CDC14B: variants seen among roughly 807,000 people sequenced by gnomAD.
CDC14B encodes the protein cell division cycle 14B.
Under a neutral mutation model 64.2 loss-of-function variants are expected in CDC14B, and 22 were observed. That is an observed-to-expected ratio of 0.34 (90% CI 0.24 to 0.49). The LOEUF is 0.49. CDC14B is among the 20% of genes least tolerant of loss of function. The pLI is 0.99. For missense variants in CDC14B, 498 were observed against 629.9 expected (o/e 0.79, Z 2.24); for synonymous variants, 191 against 215.8 (o/e 0.89, Z 1.01).
At chr9:96,558,471 CAT>C (rs1318855353) in intron 4 of CDC14B, among the ~76,000 whole-genome samples, 2 of 152,128 alleles carry the variant, frequency 1.3e-5, no homozygotes, top group African/African-American at 4.8e-5. Flanking sequence ...AAACATAAAA[CAT>C]ATACGTACAC....
intron 1 of CDC14B, among the ~76,000 whole-genome samples, chr9:96,583,334 A>G (rs1306945841): frequency 6.6e-6 from 1 of 151,242 alleles, no homozygotes; most frequent in South Asian, 2.1e-4. Context: ...CTGGATGCGT[A>G]AACCGGCGCC....
chr9:96,539,084 G>T lies in CDC14B; in HGVS notation c.621C>A (p.His207Gln). Residue 207 changes from histidine to glutamine, a missense_variant, in exon 7 of 14, where the codon CAC (histidine) becomes CAA (glutamine). Physicochemically the swap from His to Gln is conservative, Grantham distance 24 (BLOSUM62 0). Coordinates refer to ENST00000375241, the MANE Select transcript of CDC14B (RefSeq NM_033331.4). Reference protein sequence around the residue: ...FNSFNLDEYEHYEKAENGDLN... With the variant: ...FNSFNLDEYEQYEKAENGDLN... ...ATGATCCTTGAAGACTTACTTCATA[G>T]TGTTCATATTCATCAAGGTTAAATG... 6.2e-7 allele frequency: 1 copy of T among 1,601,312 alleles called. No individual in the cohort carries two copies. The highest frequency in any genetic ancestry group is 8.6e-7 in the Non-Finnish European group (1 of 1,168,584).
intron 5 of CDC14B, among the ~76,000 whole-genome samples, chr9:96,544,519 C>T (rs1031365461): frequency 3.9e-5 from 6 of 152,042 alleles, no homozygotes; most frequent in Non-Finnish European, 8.8e-5. Flanking sequence ...TTTTGAGACA[C>T]GGTCTCACTA....
At chr9:96,618,357 A>G in intron 1 of CDC14B, 1 of 388,690 alleles carries the variant, frequency 2.6e-6, no homozygotes, top group Non-Finnish European at 5.2e-6. Context: ...GTTGCCACAT[A>G]CATCATCACA....
In CDC14B at chr9:96,503,800, A is replaced by G. The variant is rs889127557; in HGVS notation, c.1461-11T>C. 1.3e-6 allele frequency: 2 copies of G among 1,598,252 alleles called. No individual in the cohort carries two copies. Among genetic ancestry groups the G allele is most frequent in the East Asian group, 4.5e-5 (2 of 44,632 alleles). ...CTTGAAATGGAGAGACTACAGGGGG[A>G]AAAAAAAGGATTTTTACCAGAAAGT... is the stretch of plus-strand genomic sequence containing the variant. On this transcript the variant is annotated splice_polypyrimidine_tract_variant and intron_variant, in intron 13 of 13. Transcript: ENST00000375241.
intron 5 of CDC14B, among the ~76,000 whole-genome samples, chr9:96,545,329 C>CTTTTTTT (rs59040963): frequency 7.5e-6 from 1 of 132,992 alleles, no homozygotes; most frequent in African/African-American, 2.8e-5. Context: ...TGATTATTTT[C>CTTTTTTT]TTTTTTTTTT....
chr9:96,547,381 G>A (rs1270693454), intron 5 of CDC14B, among the ~76,000 whole-genome samples: 10 of 151,596 alleles, frequency 6.6e-5, no homozygotes, highest in South Asian at 4.2e-4. Context: ...CAGGAGAATC[G>A]CTTGAACCCA....
chr9:96,510,599 T>C (rs1223383190), intron 12 of CDC14B, among the ~76,000 whole-genome samples: 1 of 151,782 alleles, frequency 6.6e-6, no homozygotes, highest in African/African-American at 2.4e-5. Context: ...AAAGATTTTA[T>C]ATGCAATTCT....
downstream of CDC14B, among the ~76,000 whole-genome samples, chr9:96,498,684 C>A (rs563249244): frequency 6.6e-6 from 1 of 152,176 alleles, no homozygotes; most frequent in African/African-American, 2.4e-5. Context: ...AGAAAATGAC[C>A]TAAAATATAT....
intron 4 of CDC14B, among the ~76,000 whole-genome samples, chr9:96,561,509 C>T (rs1240287799): frequency 2.0e-5 from 3 of 152,136 alleles, no homozygotes; most frequent in South Asian, 4.1e-4. Flanking sequence ...GACGGAGTCT[C>T]GCTCTGTCGC....
chr9:96,595,223 C>G (rs1251784731), intron 1 of CDC14B, among the ~76,000 whole-genome samples: 1 of 152,134 alleles, frequency 6.6e-6, no homozygotes, highest in Non-Finnish European at 1.5e-5. Context: ...AAAGCAAGAC[C>G]TGAAAGTATC....
intron 1 of CDC14B, among the ~76,000 whole-genome samples, chr9:96,617,210 A>T (rs576420811): frequency 0.045 from 6,801 of 151,454 alleles, 524 homozygotes; most frequent in African/African-American, 0.16. Context: ...CTCTGATAGC[A>T]TTTTTATTTC....
chr9:96,547,138 G>C (rs114139591), intron 5 of CDC14B, among the ~76,000 whole-genome samples: 2,080 of 151,982 alleles, frequency 0.014, 50 homozygotes, highest in African/African-American at 0.047. Flanking sequence ...TTAAAGGCCA[G>C]GTACTATATC....
At chr9:96,594,161 G>A (rs1186942931) in intron 1 of CDC14B, among the ~76,000 whole-genome samples, 3 of 150,616 alleles carry the variant, frequency 2.0e-5, no homozygotes, top group Non-Finnish European at 4.4e-5. Context: ...TGAGACACAG[G>A]AAACAAAAAG....
intron 12 of CDC14B, among the ~76,000 whole-genome samples, chr9:96,518,326 C>A (rs1174064150): frequency 6.6e-6 from 1 of 151,964 alleles, no homozygotes; most frequent in Non-Finnish European, 1.5e-5. Context: ...ACCAGCCTGG[C>A]CAACACGGTG....
chr9:96,605,108 C>T (rs1846795118), intron 1 of CDC14B, among the ~76,000 whole-genome samples: 1 of 151,968 alleles, frequency 6.6e-6, no homozygotes, highest in Non-Finnish European at 1.5e-5. Flanking sequence ...GACAATAACA[C>T]ATTCAATTTA....
rs942825118 is a variant in CDC14B, at chr9:96,583,809, C to T, written c.161-18326G>A. ...TCTAGGCTCCCTGCAAGCTCCGCCT[C>T]CCGGGTTCACACCATTCTCCTGCCT... On this transcript the variant is annotated intron_variant, in intron 1 of 13. Coordinates refer to ENST00000375241, the MANE Select transcript of CDC14B (RefSeq NM_033331.4). Among the ~76,000 whole-genome samples the T allele has an allele frequency of 2.0e-5, 3 of 152,198 alleles. 1 individual carries two copies. The South Asian group carries it at 6.2e-4, about 32-fold the overall frequency.
In CDC14B at chr9:96,562,791, T is replaced by C. The variant is rs1366257574; in HGVS notation, c.328-6A>G. On this transcript the variant is annotated splice_region_variant and splice_polypyrimidine_tract_variant and intron_variant, in intron 3 of 13. Coordinates refer to ENST00000375241, the MANE Select transcript of CDC14B (RefSeq NM_033331.4). ...TTCCTTAACATTGTAATGGACTGCA[T>C]AAAAATAAATAACTGTTAGCATTTT... 1 of 1,513,994 alleles carries C rather than the reference T, an allele frequency of 6.6e-7. No individual in the cohort carries two copies. The highest frequency in any genetic ancestry group is 1.8e-5 in the Admixed American group (1 of 56,310). 93.8% of individuals were successfully genotyped at this position (1,513,994 alleles called of 1,614,324 possible). A position where few individuals can be genotyped will look rare whatever the true frequency, so the allele number is the denominator to read the frequency against.
intron 12 of CDC14B, among the ~76,000 whole-genome samples, chr9:96,519,730 T>TAAA (rs59101582): frequency 3.6e-5 from 4 of 111,368 alleles, no homozygotes; most frequent in East Asian, 2.6e-4. Context: ...GACTCTGTCT[T>TAAA]AAAAAAAAAA....
Sources: allele counts gnomAD v4.1 joint callset (sites outside exome capture counted in the v4.1 genomes callset), GRCh38; gene constraint gnomAD v4.1.1; transcripts MANE v1.5; gene names NCBI Gene and HGNC (gene_info 2026-07-23, HGNC 2026-07-21).